TCF4: variants seen among roughly 807,000 people sequenced by gnomAD.
The protein encoded by TCF4 is SL3-3 enhancer factor 2.
A neutral mutation model predicts 82.1 loss-of-function variants in TCF4; 3 were observed. The observed-to-expected ratio is 0.04, with a 90% CI of 0.02 to 0.09. The LOEUF is 0.09. TCF4 is among the 10% of genes least tolerant of loss of function. TCF4 has a pLI of 1.00. For missense variants in TCF4, 518 were observed against 852.7 expected (o/e 0.61, Z 4.89); for synonymous variants, 276 against 309.6 (o/e 0.89, Z 1.14).
chr18:55,322,417 G>A (rs1230799211), intron 8 of TCF4: 3 of 983,056 alleles, frequency 3.1e-6, no homozygotes, highest in Non-Finnish European at 2.4e-6. Flanking sequence ...GAGGGAAAGG[G>A]GAGGGAAGAA....
intron 5 of TCF4, among the ~76,000 whole-genome samples, chr18:55,459,553 G>A (rs2095833868): frequency 6.6e-6 from 1 of 152,178 alleles, no homozygotes; most frequent in Non-Finnish European, 1.5e-5. Context: ...ACATTTTCAA[G>A]TGAATCTTTT....
intron 8 of TCF4, among the ~76,000 whole-genome samples, chr18:55,292,288 T>C (rs1469014180): frequency 6.6e-6 from 1 of 152,206 alleles, no homozygotes; most frequent in Admixed American, 6.5e-5. Flanking sequence ...GACCCTTTCA[T>C]ATTTCTTTCC....
intron 8 of TCF4, among the ~76,000 whole-genome samples, chr18:55,340,343 G>T (rs926609352): frequency 1.3e-5 from 2 of 151,986 alleles, no homozygotes; most frequent in Admixed American, 1.3e-4. Context: ...GATTAAAAGG[G>T]CTGACTACGT....
intron 6 of TCF4, among the ~76,000 whole-genome samples, chr18:55,375,820 A>T (rs916275795): frequency 6.6e-6 from 1 of 152,098 alleles, no homozygotes. Context: ...AAAAGTATGA[A>T]ACTTGACTGA....
intron 5 of TCF4, among the ~76,000 whole-genome samples, chr18:55,457,790 C>G (rs2095794716): frequency 6.6e-6 from 1 of 152,054 alleles, no homozygotes; most frequent in Admixed American, 6.6e-5. Context: ...AATTTCAGTG[C>G]CAAATAGAAG....
chr18:55,448,918 G>A (rs1452695443), intron 5 of TCF4, among the ~76,000 whole-genome samples: 4 of 152,334 alleles, frequency 2.6e-5, no homozygotes, highest in Middle Eastern at 6.8e-3. Flanking sequence ...CTATTAAAAT[G>A]TCTTGAAAAG....
chr18:55,401,743 G>A, intron 6 of TCF4: 1 of 985,982 alleles, frequency 1.0e-6, no homozygotes, highest in Non-Finnish European at 1.2e-6. Context: ...CTCAGCAGAG[G>A]AAATCTTTGT....
intron 5 of TCF4, among the ~76,000 whole-genome samples, chr18:55,441,953 C>T (rs942367505): frequency 3.9e-5 from 6 of 152,142 alleles, no homozygotes; most frequent in Non-Finnish European, 5.9e-5. Context: ...TAAGAAATCG[C>T]GGTGATCCAG....
intron 6 of TCF4, among the ~76,000 whole-genome samples, chr18:55,356,421 T>C (rs1436038103): frequency 1.3e-5 from 2 of 152,208 alleles, no homozygotes; most frequent in African/African-American, 2.4e-5. Flanking sequence ...ACAATCTTCA[T>C]AATTAAATTT....
At chr18:55,341,584 G>A (rs767194891) in intron 8 of TCF4, among the ~76,000 whole-genome samples, 100 of 152,066 alleles carry the variant, frequency 6.6e-4, no homozygotes, top group Non-Finnish European at 1.2e-3. Context: ...ATACTTGAAA[G>A]GTCTTTTTAT....
intron 5 of TCF4, among the ~76,000 whole-genome samples, chr18:55,412,949 A>C (rs2094405310): frequency 6.6e-6 from 1 of 152,028 alleles, no homozygotes; most frequent in Non-Finnish European, 1.5e-5. Context: ...TGTTTGTTAT[A>C]GAGTAGTCTA....
chr18:55,328,784 A>C (rs2077014815), intron 8 of TCF4, among the ~76,000 whole-genome samples: 1 of 152,204 alleles, frequency 6.6e-6, no homozygotes, highest in Non-Finnish European at 1.5e-5. Context: ...AATTTTAAAA[A>C]ATTTGTGAAT....
intron 5 of TCF4, chr18:55,422,020 G>C (rs938248485): frequency 6.5e-5 from 15 of 231,856 alleles, no homozygotes; most frequent in African/African-American, 3.5e-4. Context: ...TAAACCAGAA[G>C]TGTTGAGTGA....
At chr18:55,582,104 AAG>A (rs1279285478) in intron 3 of TCF4, among the ~76,000 whole-genome samples, 1 of 152,104 alleles carries the variant, frequency 6.6e-6, no homozygotes, top group Non-Finnish European at 1.5e-5. Context: ...TTTTCCTCAC[AAG>A]AGTCAAAAGT....
rs1472632178 is a variant in TCF4 at position 55,224,324 on chromosome 18, T to C, written c.*3711A>G. On this transcript the variant is annotated 3_prime_UTR_variant, in exon 20 of 20. Transcript: ENST00000354452. ...AAAGATGAGTCCACTTCAAGTCCCA[T>C]GAGAAAGAGCATGTCTCTAAAGAAA... 2.0e-5 allele frequency: 3 copies of C among 152,492 alleles called. No individual in the cohort carries two copies. Among genetic ancestry groups the C allele is most frequent in the Admixed American group, 1.3e-4 (2 of 15,274 alleles). The allele number at this position is 152,492 out of a possible 1,614,324, so 9.4% of individuals were successfully genotyped here.
chr18:55,593,058 T>C (rs1453235201), upstream of TCF4, among the ~76,000 whole-genome samples: 2 of 152,204 alleles, frequency 1.3e-5, no homozygotes, highest in African/African-American at 4.8e-5. Context: ...ATTTCAACAT[T>C]GTCAACACTG....
intron 8 of TCF4, among the ~76,000 whole-genome samples, chr18:55,336,946 G>C (rs2147876999): frequency 6.6e-6 from 1 of 152,192 alleles, no homozygotes. Context: ...TCATATGTTA[G>C]TTACTAAATT....
chr18:55,324,198 C>T (rs1297038615), intron 8 of TCF4, among the ~76,000 whole-genome samples: 2 of 152,082 alleles, frequency 1.3e-5, no homozygotes, highest in South Asian at 2.1e-4. Context: ...CTAATGGAAA[C>T]GAGTCTAAGA....
At chr18:55,364,985 C>G (rs1372282339) in intron 6 of TCF4, among the ~76,000 whole-genome samples, 1 of 151,174 alleles carries the variant, frequency 6.6e-6, no homozygotes. Context: ...GAAACTCTGT[C>G]TCTACTAAAA....
Sources: allele counts gnomAD v4.1 joint callset (sites outside exome capture counted in the v4.1 genomes callset), GRCh38; gene constraint gnomAD v4.1.1; transcripts MANE v1.5; gene names NCBI Gene and HGNC (gene_info 2026-07-23, HGNC 2026-07-21).